DOCK9: variants seen among roughly 807,000 people sequenced by gnomAD.
DOCK9 encodes dedicator of cytokinesis 9, also known as dedicator of cytokinesis protein 9.
Under a neutral mutation model 263.3 loss-of-function variants are expected in DOCK9, and 89 were observed. That is an observed-to-expected ratio of 0.34 (90% confidence interval 0.28 to 0.40). The LOEUF (loss-of-function observed/expected upper bound fraction) is 0.40, where lower values mean the gene tolerates loss of function less well. Ranked by LOEUF, DOCK9 falls within the 10% of genes least tolerant of loss-of-function variation. DOCK9 has a pLI of 1.00. For synonymous variants in DOCK9, 976 were observed against 973.1 expected (o/e 1.00, Z -0.06); for missense variants, 2,140 against 2,603.4 (o/e 0.82, Z 3.87).
Position 98,794,490 on chromosome 13 carries a change from C to A in DOCK9, c.*136G>T, listed in dbSNP as rs375872201. ...CTATAGAAAGTCTGTTAAGAAATAA[C>A]GTTGTTCTTTATTTCCTTTCTCTCC... On this transcript the variant is annotated 3_prime_UTR_variant, in exon 53 of 53. Transcript: ENST00000682017. 2.2e-6 allele frequency: 2 copies of A among 928,176 alleles called. No individual in the cohort carries two copies. The highest frequency in any genetic ancestry group is 3.7e-5 in the South Asian group (2 of 54,174). The allele number at this position is 928,176 out of a possible 1,614,324, so 57.5% of individuals were successfully genotyped here.
chr13:98,802,864 C>T (rs1319193029), intron 49 of DOCK9, among the ~76,000 whole-genome samples: 1 of 152,192 alleles, frequency 6.6e-6, no homozygotes, highest in Non-Finnish European at 1.5e-5. Flanking sequence ...CAGGTCTAGC[C>T]TTCAGAACGC....
intron 2 of DOCK9, among the ~76,000 whole-genome samples, chr13:98,952,523 G>C (rs2140925943): frequency 6.6e-6 from 1 of 152,298 alleles, no homozygotes; most frequent in East Asian, 1.9e-4. Context: ...GCATGAGCCA[G>C]TGCGCCTGGC....
chr13:98,913,197 T>C (rs2050337443), intron 9 of DOCK9, among the ~76,000 whole-genome samples: 1 of 152,228 alleles, frequency 6.6e-6, no homozygotes, highest in South Asian at 2.1e-4. Flanking sequence ...TGCTGGTCTA[T>C]TTATAATCCT....
In DOCK9 at chr13:98,995,236, G is replaced by T. The variant is rs147292868; in HGVS notation, c.130-39685C>A. Among the ~76,000 whole-genome samples, 451 of 152,242 alleles carry T rather than the reference G, an allele frequency of 3.0e-3. 1 individual carries two copies. Among genetic ancestry groups the T allele is most frequent in the African/African-American group, 0.01 (430 of 41,546 alleles). On this transcript the variant is annotated intron_variant, in intron 1 of 32. Transcript: ENST00000427887. ...TCACTCATGAAAAGCTAATGCTGGG[G>T]TGTCGTGTGAAGTAAAAACATTACA...
chr13:99,008,593 T>C (rs1272452437), intron 1 of DOCK9, among the ~76,000 whole-genome samples: 2 of 152,208 alleles, frequency 1.3e-5, no homozygotes, highest in Non-Finnish European at 2.9e-5. Context: ...ATTCTTCTTA[T>C]ACTCTACTTG....
chr13:98,819,667 G>GT (rs2092141621), intron 45 of DOCK9, among the ~76,000 whole-genome samples: 1 of 152,224 alleles, frequency 6.6e-6, no homozygotes, highest in Admixed American at 6.5e-5. Flanking sequence ...GAGAATCGCT[G>GT]TAACACTGAG....
At position 99,008,227 on chromosome 13, in the gene DOCK9, TATA is replaced by T. The variant is rs1374130989; in HGVS notation, c.130-52679_130-52677del. Among the ~76,000 whole-genome samples the T allele has an allele frequency of 1.2e-4, 14 of 121,290 alleles. No individual in the cohort carries two copies. The South Asian group carries it at 1.5e-3, about 13-fold the overall frequency. 79.6% of individuals were successfully genotyped at this position (121,290 alleles called of 152,430 possible). A position where few individuals can be genotyped will look rare whatever the true frequency, so the allele number is the denominator to read the frequency against. ...CTCTCTCTCTCTATATATATATATA[TATA>T]TATATTTTTTTTTTTTTTTGAGACG... On this transcript the variant is annotated intron_variant, in intron 1 of 32. Transcript: ENST00000427887.
chr13:99,054,579 G>A (rs9517572), intron 1 of DOCK9, among the ~76,000 whole-genome samples: 22,591 of 152,248 alleles, frequency 0.15, 2,401 homozygotes, highest in East Asian at 0.43. Flanking sequence ...CAGGGTTTGA[G>A]GGCAAGCAAG....
intron 27 of DOCK9, among the ~76,000 whole-genome samples, chr13:98,878,608 T>C (rs2044242839): frequency 6.6e-6 from 1 of 152,258 alleles, no homozygotes. Context: ...GATTTTTCCT[T>C]GGCAGGCTGC....
At chr13:98,945,406 C>T (rs1301768993) in intron 2 of DOCK9, among the ~76,000 whole-genome samples, 1 of 152,246 alleles carries the variant, frequency 6.6e-6, no homozygotes, top group East Asian at 1.9e-4. Flanking sequence ...CTCTCAGACA[C>T]TGACATGTCC....
intron 18 of DOCK9, among the ~76,000 whole-genome samples, chr13:98,887,105 T>C (rs1209807110): frequency 6.9e-6 from 1 of 145,816 alleles, no homozygotes; most frequent in African/African-American, 2.5e-5. Flanking sequence ...ACTGAATTTC[T>C]TGAGGACAGA....
chr13:98,951,312 G>T (rs146227375), intron 2 of DOCK9, among the ~76,000 whole-genome samples: 1 of 151,996 alleles, frequency 6.6e-6, no homozygotes, highest in Non-Finnish European at 1.5e-5. Context: ...AAATCTAGTC[G>T]CTGGGACTAT....
At chr13:98,985,657 T>C (rs886694204) in intron 1 of DOCK9, among the ~76,000 whole-genome samples, 83 of 152,252 alleles carry the variant, frequency 5.5e-4, no homozygotes, top group Admixed American at 3.9e-3. Context: ...ATTTTAGAGA[T>C]GGAAACTTAC....
intron 2 of DOCK9, among the ~76,000 whole-genome samples, chr13:98,934,563 G>C (rs1391351488): frequency 6.6e-6 from 1 of 152,206 alleles, no homozygotes; most frequent in Non-Finnish European, 1.5e-5. Flanking sequence ...ACCAAAACAA[G>C]ATTGTAAGAC....
chr13:98,833,954 G>A (rs1419167338), intron 39 of DOCK9, among the ~76,000 whole-genome samples: 1 of 152,134 alleles, frequency 6.6e-6, no homozygotes, highest in Non-Finnish European at 1.5e-5. Flanking sequence ...CAGATAACAA[G>A]GCAGGGTTTC....
chr13:98,830,141 A>G (rs997648479), intron 41 of DOCK9, among the ~76,000 whole-genome samples: 23 of 152,236 alleles, frequency 1.5e-4, no homozygotes, highest in Non-Finnish European at 2.8e-4. Flanking sequence ...TGCTATGGGT[A>G]GACTGTCCTT....
chr13:98,997,860 C>T (rs953414113), intron 1 of DOCK9, among the ~76,000 whole-genome samples: 7 of 152,206 alleles, frequency 4.6e-5, no homozygotes, highest in Admixed American at 4.6e-4. Flanking sequence ...CCGTAGCTAA[C>T]GAGAGGTCTG....
chr13:99,015,857 A>T (rs1885325936), intron 1 of DOCK9: 3 of 1,030,462 alleles, frequency 2.9e-6, no homozygotes, highest in Admixed American at 8.8e-5. Context: ...CCTCGGATGC[A>T]CCAAACCTTT....
intron 39 of DOCK9, among the ~76,000 whole-genome samples, chr13:98,836,591 A>T (rs1369842256): frequency 6.6e-6 from 1 of 151,930 alleles, no homozygotes; most frequent in Non-Finnish European, 1.5e-5. Flanking sequence ...AGGCGCTTCT[A>T]CCCCGAGCTC....
Sources: allele counts gnomAD v4.1 joint callset (sites outside exome capture counted in the v4.1 genomes callset), GRCh38; gene constraint gnomAD v4.1.1; transcripts MANE v1.5; gene names NCBI Gene and HGNC (gene_info 2026-07-23, HGNC 2026-07-21).